ANO1: variants seen among roughly 807,000 people sequenced by gnomAD.
ANO1 encodes the protein anoctamin-1.
Under a neutral mutation model 124.0 loss-of-function variants are expected in ANO1, and 59 were observed. That is an observed-to-expected ratio of 0.48 (90% confidence interval 0.39 to 0.59). ANO1 has a LOEUF of 0.59. Among genes scored for constraint, ANO1 ranks in the 20% least tolerant of loss-of-function variants. ANO1 has a pLI of 0.00. For synonymous variants in ANO1, 529 were observed against 532.0 expected, an observed-to-expected ratio of 0.99 and a Z score of 0.08; for missense variants, 1,059 against 1,328.0, an observed-to-expected ratio of 0.80 and a Z score of 3.15.
Position 70,187,900 on chromosome 11 carries a change from C to T in ANO1, c.2857C>T (p.Arg953Trp), listed in dbSNP as rs200342142. 6.3e-5 allele frequency: 101 copies of T among 1,597,920 alleles called. 2 individuals carry two copies. In the South Asian group the frequency reaches 1.1e-3, roughly 17 times the overall value. ...GCTGGAAACCTGGATGGAGAAGGAGCGGCAGAAGGACGAGCCGCCGTGCAA... is the reference window on the plus strand; with the variant it reads ...GCTGGAAACCTGGATGGAGAAGGAGTGGCAGAAGGACGAGCCGCCGTGCAA... ...QLLETWMEKE[R>W]QKDEPPCNHH... Residue 953 changes from arginine (R) to tryptophan (W), a missense_variant, in exon 26 of 26, where the codon CGG (arginine) becomes TGG (tryptophan). Coordinates refer to ENST00000355303, the MANE Select transcript of ANO1 (RefSeq NM_018043.7).
chr11:70,129,753 AGCTGGGATTACAG>A (rs1177755892), intron 10 of ANO1: 5 of 152,010 alleles, frequency 3.3e-5, no homozygotes, highest in African/African-American at 9.7e-5. Context: ...CCTCCCGAGT[AGCTGGGATTACAG>A]GCTGGGATTA....
intron 1 of ANO1, among the ~76,000 whole-genome samples, chr11:70,006,649 TTTCTTTC>T (rs1240770273): frequency 7.2e-6 from 1 of 138,930 alleles, no homozygotes; most frequent in Non-Finnish European, 1.5e-5. Context: ...TTCTTCTTTC[TTTCTTTC>T]TTCTTTCTTT....
chr11:69,967,299 T>G, the ANO1 span, among the ~76,000 whole-genome samples: 5 of 145,702 alleles, frequency 3.4e-5, no homozygotes, highest in Non-Finnish European at 7.5e-5. Context: ...TCCGAGCGCC[T>G]GTATCGCACA....
At chr11:70,170,746 T>C in intron 21 of ANO1, 141 bp from the exon 22 acceptor site, 2 of 1,009,940 alleles carry the variant, frequency 2.0e-6, no homozygotes, top group Non-Finnish European at 2.9e-6. Context: ...CTAATGCATC[T>C]GCAGGTGGGG....
At chr11:70,174,237 C>T (rs1270813503) in intron 22 of ANO1, among the ~76,000 whole-genome samples, 1 of 151,172 alleles carries the variant, frequency 6.6e-6, no homozygotes, top group Non-Finnish European at 1.5e-5. Context: ...CGTGCCTGGC[C>T]AAGCCATTTT....
chr11:70,151,436 G>A (rs942577967), intron 12 of ANO1, among the ~76,000 whole-genome samples: 7 of 152,022 alleles, frequency 4.6e-5, no homozygotes, highest in African/African-American at 7.2e-5. Flanking sequence ...TTCCCTTGCC[G>A]TTTCAATTAG....
intron 1 of ANO1, among the ~76,000 whole-genome samples, chr11:70,060,958 T>C (rs1399899298): frequency 1.3e-5 from 2 of 152,200 alleles, no homozygotes; most frequent in Non-Finnish European, 2.9e-5. Context: ...ATCAGTTAAG[T>C]TACGCTTTGT....
intron 5 of ANO1, among the ~76,000 whole-genome samples, chr11:70,106,682 A>T (rs926401800): frequency 6.6e-6 from 1 of 152,226 alleles, no homozygotes; most frequent in Non-Finnish European, 1.5e-5. Context: ...CTGATAATTC[A>T]TAGCTTTGGC....
At chr11:70,108,194 C>T in intron 5 of ANO1, 159 bp from the exon 6 acceptor site, 1 of 617,028 alleles carries the variant, frequency 1.6e-6, no homozygotes, top group Non-Finnish European at 2.7e-6. Flanking sequence ...CTGGGTCAAC[C>T]CTCCCTGAAT....
chr11:70,114,267 G>A (rs530187474), intron 7 of ANO1, among the ~76,000 whole-genome samples: 36 of 152,372 alleles, frequency 2.4e-4, no homozygotes, highest in African/African-American at 8.7e-4. Flanking sequence ...GCCCTAGGCT[G>A]TGGGTGGCAG....
intron 14 of ANO1, among the ~76,000 whole-genome samples, chr11:70,155,272 A>T (rs1346237469): frequency 6.6e-6 from 1 of 152,234 alleles, no homozygotes; most frequent in East Asian, 1.9e-4. Context: ...TCTTGGATAC[A>T]GGGTCCCTCC....
intron 11 of ANO1, among the ~76,000 whole-genome samples, chr11:70,146,749 C>G (rs2047393132): frequency 6.6e-6 from 1 of 152,074 alleles, no homozygotes; most frequent in Non-Finnish European, 1.5e-5. Flanking sequence ...GTGAGAGCCC[C>G]CAACAAACCA....
intron 1 of ANO1, among the ~76,000 whole-genome samples, chr11:70,007,451 T>C (rs1279184191): frequency 6.6e-6 from 1 of 152,054 alleles, no homozygotes; most frequent in African/African-American, 2.4e-5. Context: ...TAATTTTTAG[T>C]ATTTTTATTA....
intron 22 of ANO1, among the ~76,000 whole-genome samples, chr11:70,173,236 G>A (rs1429722746): frequency 6.6e-6 from 1 of 152,190 alleles, no homozygotes; most frequent in East Asian, 1.9e-4. Context: ...ACTGCGTAAG[G>A]CCCTGGCTTT....
At chr11:70,060,731 G>A (rs1432407712) in intron 1 of ANO1, among the ~76,000 whole-genome samples, 2 of 152,210 alleles carry the variant, frequency 1.3e-5, no homozygotes, top group Non-Finnish European at 2.9e-5. Context: ...AGACATAAGA[G>A]CCAGCCTAGA....
At chr11:70,027,167 C>T (rs891732087) in intron 1 of ANO1, among the ~76,000 whole-genome samples, 25 of 152,170 alleles carry the variant, frequency 1.6e-4, no homozygotes, top group Admixed American at 5.9e-4. Flanking sequence ...TTCTTTTTAA[C>T]TTATGATGGG....
intron 2 of ANO1, among the ~76,000 whole-genome samples, chr11:70,097,564 A>G (rs2045049625): frequency 6.6e-6 from 1 of 152,152 alleles, no homozygotes; most frequent in African/African-American, 2.4e-5. Context: ...AGGAGTGAGC[A>G]TTGCAGGGTC....
upstream of ANO1, among the ~76,000 whole-genome samples, chr11:70,074,678 G>T (rs2044034435): frequency 6.6e-6 from 1 of 152,196 alleles, no homozygotes; most frequent in Non-Finnish European, 1.5e-5. Flanking sequence ...GGCTGGTTTT[G>T]TCCCCTGGAG....
chr11:70,119,513 T>C (rs1386349851), intron 8 of ANO1, among the ~76,000 whole-genome samples: 1 of 148,504 alleles, frequency 6.7e-6, no homozygotes, highest in East Asian at 2.0e-4. Context: ...GGATGATGGG[T>C]GGGTGGATGG....
Sources: gnomAD v4.1 joint callset for allele counts (sites outside exome capture counted in the v4.1 genomes callset) on GRCh38, gnomAD v4.1.1 for gene constraint, MANE v1.5 for transcripts, NCBI Gene and HGNC (gene_info 2026-07-23, HGNC 2026-07-21) for gene names.